Variants in BCR observed in about 807,000 individuals in gnomAD.
BCR encodes the protein BCR activator of RhoGEF and GTPase.
BCR carries 58 observed loss-of-function variants against 138.6 expected under a neutral mutation model. That is an observed-to-expected ratio of 0.42 (90% CI 0.34 to 0.52). BCR has a LOEUF of 0.52. Among genes scored for constraint, BCR ranks in the 20% least tolerant of loss-of-function variants. The pLI, the probability that BCR is intolerant of heterozygous loss-of-function variation, is 0.06. For synonymous variants in BCR, 786 were observed against 730.1 expected (o/e 1.08, Z -1.23); for missense variants, 1,599 against 1,727.2 (o/e 0.93, Z 1.32).
chr22:23,290,383 C>T lies in BCR; in HGVS notation c.2752C>T (p.His918Tyr). Residue 918 changes from histidine (H) to tyrosine (Y), a missense_variant, in exon 14 of 23, where the codon CAC (histidine) becomes TAC (tyrosine). By Grantham distance (83) the His-to-Tyr change is moderately conservative. Coordinates refer to ENST00000305877, the MANE Select transcript of BCR (RefSeq NM_004327.4). ...CTATGGGTTTCTGAATGTCATCGTCCACTCAGCCACTGGATTTAAGCAGAG... is the reference window on the plus strand; with the variant it reads ...CTATGGGTTTCTGAATGTCATCGTCTACTCAGCCACTGGATTTAAGCAGAG... ...GLYGFLNVIV[H>Y]SATGFKQSSN... is the part of the protein sequence containing the mutation. 1 of 1,614,162 alleles carries T rather than the reference C, an allele frequency of 6.2e-7. No individual in the cohort carries two copies. The highest frequency in any genetic ancestry group is 1.1e-5 in the South Asian group (1 of 91,086).
chr22:23,300,778 G>A (rs1314858054), intron 16 of BCR, among the ~76,000 whole-genome samples: 2 of 152,196 alleles, frequency 1.3e-5, no homozygotes, highest in East Asian at 3.9e-4. Flanking sequence ...CAGCCAGCCA[G>A]CCAGAGCACC....
In BCR at chr22:23,181,784, A is replaced by G; in HGVS notation, c.824A>G (p.Glu275Gly). 3 of 1,608,094 alleles carry G rather than the reference A, an allele frequency of 1.9e-6. No individual in the cohort carries two copies. The Middle Eastern group carries it at 4.9e-4, about 265-fold the overall frequency. ...GGSRPPWPPL[E>G]YQPYQSIYVG... ...AGCAGGCCCCCTTGGCCGCCCCTGGAGTACCAGCCCTACCAGAGCATCTAC... is the reference window on the plus strand; with the variant it reads ...AGCAGGCCCCCTTGGCCGCCCCTGGGGTACCAGCCCTACCAGAGCATCTAC... The change falls in exon 1 of 23, where the codon GAG becomes GGG. Residue 275 changes from glutamate to glycine, a missense_variant. Around this residue, in one of 4 missense-constraint regions of BCR, gnomAD observed 806 missense variants for 635.0 expected, o/e 1.27. Transcript: ENST00000305877.
chr22:23,213,427 C>T (rs551271248), intron 1 of BCR, among the ~76,000 whole-genome samples: 13 of 152,322 alleles, frequency 8.5e-5, no homozygotes, highest in Admixed American at 7.8e-4. Flanking sequence ...GCTCAAATTC[C>T]GGAGGGACGC....
chr22:23,292,665 A>T, intron 15 of BCR, 27 bp downstream of exon 15: 2 of 1,569,882 alleles, frequency 1.3e-6, no homozygotes, highest in South Asian at 2.2e-5. Context: ...ACAAGGGCCC[A>T]GCCTGCCAGG....
At chr22:23,268,889 ACT>A (rs983751637) in intron 5 of BCR, among the ~76,000 whole-genome samples, 5 of 151,628 alleles carry the variant, frequency 3.3e-5, no homozygotes, top group African/African-American at 4.9e-5. Context: ...GAGGTGGCCC[ACT>A]CTTCCTTTTC....
chr22:23,263,755 A>T, intron 4 of BCR: 1 of 1,428,928 alleles, frequency 7.0e-7, no homozygotes. Flanking sequence ...CAAAGGGGGC[A>T]TCATATCATT....
At chr22:23,285,254 C>T (rs131675) in intron 10 of BCR, 53 bp downstream of exon 10, 2 of 1,543,696 alleles carry the variant, frequency 1.3e-6, no homozygotes, top group Non-Finnish European at 1.8e-6. Flanking sequence ...GTGGCAGCAG[C>T]CCCCGCACAC....
Position 23,180,589 on chromosome 22 carries a change from G to A in BCR, c.-372G>A, listed in dbSNP as rs866563446. The A allele has an allele frequency of 0.075, 2,730 of 36,478 alleles. 72 individuals are homozygous for A. Among genetic ancestry groups the A allele is most frequent in the African/African-American group, 0.46 (2,409 of 5,234 alleles). 2.3% of individuals were successfully genotyped at this position (36,478 alleles called of 1,614,324 possible). A position where few individuals can be genotyped will look rare whatever the true frequency, so the allele number is the denominator to read the frequency against. On this transcript the variant is annotated 5_prime_UTR_variant, in exon 1 of 23. Transcript: ENST00000305877. ...CCGAGGAGGCGGCGGCGGCGGCGGC[G>A]GCACGGCGGCGGCGGGGCTGTGGGG...
Position 23,181,554 on chromosome 22 carries a change from C to G in BCR, c.594C>G (p.Asp198Glu), listed in dbSNP as rs774821474. 2.5e-6 allele frequency: 4 copies of G among 1,612,992 alleles called. No individual in the cohort carries two copies. Among genetic ancestry groups the G allele is most frequent in the African/African-American group, 2.7e-5 (2 of 75,068 alleles). The change falls in exon 1 of 23, where the codon GAC (aspartate) becomes GAG (glutamate). Residue 198 changes from aspartate (D) to glutamate (E), a missense_variant. Coordinates refer to ENST00000305877, the MANE Select transcript of BCR (RefSeq NM_004327.4). The stretch of plus-strand genomic sequence containing the variant: ...AGGTCAACGACAAAGAGGTGTCGGA[C>G]CGCATCAGCTCCCTGGGCAGCCAGG... ...LVKVNDKEVS[D>E]RISSLGSQAM...
chr22:23,285,988 C>T lies in BCR; in HGVS notation c.2406+787C>T, dbSNP rs577494872. Among the ~76,000 whole-genome samples the T allele has an allele frequency of 2.0e-5, 3 of 152,326 alleles. No individual in the cohort carries two copies. The East Asian group carries it at 5.8e-4, about 29-fold the overall frequency. On this transcript the variant is annotated intron_variant, in intron 10 of 22. Coordinates refer to ENST00000305877, the MANE Select transcript of BCR (RefSeq NM_004327.4). ...CCTCTGGCCACAGGCTTGAGCTGTT[C>T]AAGTGTGTGGTCTCCTGATACCCAG...
chr22:23,314,088 C>T lies in BCR; in HGVS notation c.3563+15C>T, dbSNP rs767228870. The T allele has an allele frequency of 2.9e-5, 46 of 1,603,552 alleles. No individual in the cohort carries two copies. In the Middle Eastern group the frequency reaches 6.6e-4, roughly 23 times the overall value. On this transcript the variant is annotated intron_variant, in intron 21 of 22. Coordinates refer to ENST00000305877, the MANE Select transcript of BCR (RefSeq NM_004327.4). ...CACCTGAAAAGGTAGCCCAGCTCTC[C>T]CATGGCAGCCCAGGGCTCCAGGTCC...
chr22:23,253,352 C>T, intron 1 of BCR, among the ~76,000 whole-genome samples: 1 of 152,134 alleles, frequency 6.6e-6, no homozygotes, highest in East Asian at 1.9e-4. Flanking sequence ...TTGGGGGTGC[C>T]AACTCTCTAA....
chr22:23,306,204 CAGAG>C (rs1195600460), intron 16 of BCR: 1 of 152,240 alleles, frequency 6.6e-6, no homozygotes, highest in Admixed American at 6.5e-5. Context: ...CTGGGAGTCA[CAGAG>C]AGGGGCCCGA....
At chr22:23,194,215 C>T (rs2072449825) in intron 1 of BCR, among the ~76,000 whole-genome samples, 1 of 152,152 alleles carries the variant, frequency 6.6e-6, no homozygotes, top group Non-Finnish European at 1.5e-5. Context: ...AAAAGCTTTC[C>T]ACTTTCTCCC....
chr22:23,261,176 A>AGT, intron 3 of BCR, 122 bp downstream of exon 3: 1 of 1,178,078 alleles, frequency 8.5e-7, no homozygotes, highest in Non-Finnish European at 1.2e-6. Context: ...CCATCCCTGG[A>AGT]GTGGATACCA....
chr22:23,267,270 G>A (rs974297146), intron 4 of BCR, among the ~76,000 whole-genome samples: 3 of 152,080 alleles, frequency 2.0e-5, no homozygotes, highest in Admixed American at 6.6e-5. Flanking sequence ...ATCACTGCAC[G>A]GATGAGGAAG....
chr22:23,282,705 A>T (rs2073662227), intron 8 of BCR, among the ~76,000 whole-genome samples: 1 of 152,144 alleles, frequency 6.6e-6, no homozygotes, highest in Non-Finnish European at 1.5e-5. Context: ...ACTTCTCGAG[A>T]TGAGGACAGG....
chr22:23,263,817 C>T, intron 4 of BCR: 3 of 1,218,494 alleles, frequency 2.5e-6, no homozygotes, highest in African/African-American at 1.5e-5. Flanking sequence ...GGCCTCAGGC[C>T]AGCTGGGGTA....
intron 16 of BCR, among the ~76,000 whole-genome samples, chr22:23,303,931 C>CTTTTTTTTTTTT (rs131683): frequency 1.9e-5 from 2 of 106,176 alleles, no homozygotes; most frequent in African/African-American, 3.9e-5. Flanking sequence ...TCCTTGTTGC[C>CTTTTTTTTTTTT]TTTTTTTTTT....
Sources: allele counts gnomAD v4.1 joint callset (sites outside exome capture counted in the v4.1 genomes callset), GRCh38; gene constraint gnomAD v4.1.1; regional missense constraint gnomAD v4.1.1; transcripts MANE v1.5; gene names NCBI Gene and HGNC (gene_info 2026-07-23, HGNC 2026-07-21).